MSI2: variants seen among roughly 807,000 people sequenced by gnomAD.
The protein encoded by MSI2 is RNA-binding protein Musashi homolog 2.
In MSI2, 17 loss-of-function variants were observed where a neutral mutation model predicts 45.6. That is an observed-to-expected ratio of 0.37 (90% CI 0.26 to 0.56). The LOEUF is 0.56. Among genes scored for constraint, MSI2 ranks in the 20% least tolerant of loss-of-function variants. MSI2 has a pLI of 0.77. For missense variants in MSI2, 293 were observed against 444.2 expected, an observed-to-expected ratio of 0.66 and a Z score of 3.06; for synonymous variants, 156 against 158.2, an observed-to-expected ratio of 0.99 and a Z score of 0.11.
chr17:57,310,365 A>G (rs367864460), intron 5 of MSI2, among the ~76,000 whole-genome samples: 2 of 149,728 alleles, frequency 1.3e-5, no homozygotes, highest in South Asian at 4.2e-4. Context: ...TTGGAATCTC[A>G]CTCCGTCACC....
chr17:57,618,451 C>G (rs1202839493), intron 9 of MSI2: 2 of 152,064 alleles, frequency 1.3e-5, no homozygotes, highest in African/African-American at 2.4e-5. Context: ...GGCTCATGCC[C>G]ATAATCCTAG....
At chr17:57,293,813 G>C (rs1910689027) in intron 5 of MSI2, among the ~76,000 whole-genome samples, 1 of 151,394 alleles carries the variant, frequency 6.6e-6, no homozygotes. Context: ...TCTCCATGTT[G>C]GTCAGGCTGG....
chr17:57,353,066 A>C (rs1010792687), intron 5 of MSI2, among the ~76,000 whole-genome samples: 5 of 152,208 alleles, frequency 3.3e-5, no homozygotes, highest in South Asian at 4.1e-4. Flanking sequence ...TATTTCTGGA[A>C]AGTTGAGTCA....
At chr17:57,698,271 A>G in the MSI2 span, among the ~76,000 whole-genome samples, 1 of 152,294 alleles carries the variant, frequency 6.6e-6, no homozygotes, top group African/African-American at 2.4e-5. Flanking sequence ...AGGTCAATGT[A>G]CAGCAGAAAA....
chr17:57,500,190 T>C (rs1176330591), intron 6 of MSI2, among the ~76,000 whole-genome samples: 1 of 152,030 alleles, frequency 6.6e-6, no homozygotes, highest in Non-Finnish European at 1.5e-5. Flanking sequence ...TTTTACAAAC[T>C]GGAAACTCAA....
chr17:57,551,234 T>C (rs2087296298), intron 7 of MSI2, among the ~76,000 whole-genome samples: 5 of 152,078 alleles, frequency 3.3e-5, no homozygotes, highest in Admixed American at 3.3e-4. Context: ...AGGAGCAATA[T>C]TATGTCTCAG....
At chr17:57,295,992 C>CTTTTTTTTTTTTTTT (rs386386327) in intron 5 of MSI2, among the ~76,000 whole-genome samples, 6 of 38,646 alleles carry the variant, frequency 1.6e-4, no homozygotes, top group Non-Finnish European at 1.6e-4. Flanking sequence ...CGCAGCCTTC[C>CTTTTTTTTTTTTTTT]TTTTTTTTTT....
intron 11 of MSI2, among the ~76,000 whole-genome samples, chr17:57,657,782 G>C (rs1027908109): frequency 2.6e-5 from 4 of 152,160 alleles, no homozygotes; most frequent in Non-Finnish European, 4.4e-5. Flanking sequence ...TTGCTGGAGG[G>C]ATCCTGGAGC....
chr17:57,299,690 A>G (rs1225764192), intron 5 of MSI2, among the ~76,000 whole-genome samples: 1 of 152,186 alleles, frequency 6.6e-6, no homozygotes, highest in Non-Finnish European at 1.5e-5. Context: ...ATCAAAGATC[A>G]CAGATCACCA....
chr17:57,473,072 T>C (rs2143698732), intron 6 of MSI2, among the ~76,000 whole-genome samples: 1 of 152,308 alleles, frequency 6.6e-6, no homozygotes, highest in Middle Eastern at 3.4e-3. Flanking sequence ...TTTGTACTTT[T>C]AGTAGAGACG....
At chr17:57,641,431 G>A (rs571760491) in intron 10 of MSI2, among the ~76,000 whole-genome samples, 16 of 152,170 alleles carry the variant, frequency 1.1e-4, no homozygotes, top group Non-Finnish European at 2.2e-4. Flanking sequence ...CAGGCATGGA[G>A]AAGGAACCCA....
chr17:57,631,883 A>G (rs1157718891), intron 10 of MSI2: 1 of 1,605,692 alleles, frequency 6.2e-7, no homozygotes, highest in South Asian at 1.1e-5. Context: ...CTAGAGAGAG[A>G]GGACACAGTC....
chr17:57,257,510 T>C lies in MSI2; in HGVS notation c.148T>C (p.Cys50Arg). The C allele has an allele frequency of 6.2e-7, 1 of 1,601,226 alleles. No homozygotes were observed. Among genetic ancestry groups the C allele is most frequent in the Non-Finnish European group, 8.5e-7 (1 of 1,170,566 alleles). The change falls in exon 3 of 14, where the codon TGT (cysteine) becomes CGT (arginine). Residue 50 changes from cysteine to arginine, a missense_variant. Cys to Arg is a radical substitution (Grantham distance 180). Coordinates refer to ENST00000284073, the MANE Select transcript of MSI2 (RefSeq NM_138962.4). Reference protein sequence around the residue: ...YFSKFGEIRECMVMRDPTTKR... With the variant: ...YFSKFGEIRERMVMRDPTTKR... The stretch of plus-strand genomic sequence containing the variant: ...TAGCAAATTTGGAGAAATTAGAGAA[T>C]GTATGGTCATGAGAGATCCCACTAC...
chr17:57,266,785 A>G (rs1432291579), intron 5 of MSI2: 1 of 152,270 alleles, frequency 6.6e-6, no homozygotes, highest in East Asian at 1.9e-4. Context: ...TAACTAAATG[A>G]ACGAACTGAG....
intron 5 of MSI2, among the ~76,000 whole-genome samples, chr17:57,345,993 T>C (rs1452414100): frequency 6.6e-6 from 1 of 152,130 alleles, no homozygotes; most frequent in African/African-American, 2.4e-5. Flanking sequence ...AATAGGTAGG[T>C]AGCGGTTGAA....
intron 10 of MSI2, among the ~76,000 whole-genome samples, chr17:57,645,732 G>A (rs764693374): frequency 4.6e-5 from 7 of 152,082 alleles, no homozygotes; most frequent in Admixed American, 1.3e-4. Flanking sequence ...CTGGCCCTGG[G>A]AAGCTTTTAA....
At chr17:57,535,573 A>G (rs554961211) in intron 7 of MSI2, among the ~76,000 whole-genome samples, 9 of 152,358 alleles carry the variant, frequency 5.9e-5, no homozygotes, top group Non-Finnish European at 1.0e-4. Flanking sequence ...ATTAAATGCA[A>G]TGCTAATGGC....
intron 6 of MSI2, among the ~76,000 whole-genome samples, chr17:57,440,471 G>A (rs923355877): frequency 1.1e-4 from 8 of 75,722 alleles, no homozygotes; most frequent in African/African-American, 2.9e-4. Flanking sequence ...TGTGTGTAGC[G>A]TGGCTGGGTC....
At chr17:57,433,648 CA>C (rs1474223531) in intron 6 of MSI2, among the ~76,000 whole-genome samples, 1 of 152,214 alleles carries the variant, frequency 6.6e-6, no homozygotes, top group Non-Finnish European at 1.5e-5. Context: ...ATTCTGAGTG[CA>C]GGAATGTTCT....
Sources: gnomAD v4.1 joint callset for allele counts (sites outside exome capture counted in the v4.1 genomes callset) on GRCh38, gnomAD v4.1.1 for gene constraint, MANE v1.5 for transcripts, NCBI Gene and HGNC (gene_info 2026-07-23, HGNC 2026-07-21) for gene names.